SLC6A13: variants seen among roughly 807,000 people sequenced by gnomAD.
SLC6A13 encodes the protein solute carrier family 6 member 13.
In SLC6A13, 69 loss-of-function variants were observed where a neutral mutation model predicts 72.9. That is an observed-to-expected ratio of 0.95 (90% CI 0.78 to 1.16). SLC6A13 has a LOEUF of 1.16. Ranked by LOEUF, SLC6A13 falls within the 50% of genes most tolerant of loss-of-function variation. SLC6A13 has a pLI of 0.00. For missense variants in SLC6A13, 735 were observed against 760.5 expected, an observed-to-expected ratio of 0.97 and a Z score of 0.39; for synonymous variants, 303 against 303.0, an observed-to-expected ratio of 1.00 and a Z score of 0.00.
At chr12:225,176 C>T (rs11835796) in intron 9 of SLC6A13, among the ~76,000 whole-genome samples, 45,268 of 152,156 alleles carry the variant, frequency 0.3, 6,877 homozygotes, top group East Asian at 0.38. Context: ...TGAGTCCACC[C>T]ATGGGAAGTT....
chr12:248,176 G>T (rs550623063), intron 2 of SLC6A13, among the ~76,000 whole-genome samples: 1 of 152,224 alleles, frequency 6.6e-6, no homozygotes, highest in East Asian at 1.9e-4. Context: ...GGCAGAGATT[G>T]TTAGACTGGC....
At chr12:241,204 T>C (rs1441832450) in intron 4 of SLC6A13, among the ~76,000 whole-genome samples, 2 of 152,122 alleles carry the variant, frequency 1.3e-5, no homozygotes, top group Non-Finnish European at 2.9e-5. Flanking sequence ...CTTGGGAGGC[T>C]GAAGCAGAGA....
At chr12:221,575 T>G (rs2137244242) in intron 13 of SLC6A13, 29 bp from the exon 14 acceptor site, 1 of 1,460,940 alleles carries the variant, frequency 6.8e-7, no homozygotes, top group Non-Finnish European at 9.3e-7. Context: ...GAGAAAGGGG[T>G]TGGGGGGCGG....
chr12:252,019 T>C (rs1942572446), intron 2 of SLC6A13, among the ~76,000 whole-genome samples: 2 of 151,958 alleles, frequency 1.3e-5, no homozygotes, highest in African/African-American at 2.4e-5. Flanking sequence ...ATGAAAAAAA[T>C]AGTATTTGTA....
At chr12:247,078 T>A (rs1405184733) in intron 2 of SLC6A13, among the ~76,000 whole-genome samples, 2 of 148,654 alleles carry the variant, frequency 1.3e-5, no homozygotes, top group East Asian at 2.0e-4. Flanking sequence ...AAAGAACAGG[T>A]ATGCCTAAGT....
intron 7 of SLC6A13, among the ~76,000 whole-genome samples, chr12:228,653 G>T (rs749400661): frequency 1.1e-4 from 17 of 152,172 alleles, no homozygotes; most frequent in Middle Eastern, 3.4e-3. Flanking sequence ...CCTGGTCTTT[G>T]CCTGCCTCCC....
chr12:231,205 G>A (rs887377865), intron 7 of SLC6A13, among the ~76,000 whole-genome samples: 6 of 152,214 alleles, frequency 3.9e-5, no homozygotes, highest in Non-Finnish European at 8.8e-5. Flanking sequence ...CCCAGGGGGA[G>A]GAGACAAGGC....
At chr12:243,224 A>C (rs546721205) in intron 3 of SLC6A13, among the ~76,000 whole-genome samples, 18 of 152,294 alleles carry the variant, frequency 1.2e-4, no homozygotes, top group Non-Finnish European at 2.6e-4. Flanking sequence ...CATGTTGGCC[A>C]GGCTGGTCTC....
chr12:235,454 G>C (rs1357997134), intron 6 of SLC6A13, among the ~76,000 whole-genome samples: 1 of 152,172 alleles, frequency 6.6e-6, no homozygotes, highest in Non-Finnish European at 1.5e-5. Context: ...AAATTTAATG[G>C]ACACTTATCA....
intron 4 of SLC6A13, among the ~76,000 whole-genome samples, chr12:240,815 G>A (rs1304446376): frequency 6.6e-6 from 1 of 152,224 alleles, no homozygotes; most frequent in African/African-American, 2.4e-5. Context: ...CGGTGGAATG[G>A]AGGTGGTGGC....
At chr12:227,161 C>T (rs1003861899) in intron 8 of SLC6A13, among the ~76,000 whole-genome samples, 3 of 152,076 alleles carry the variant, frequency 2.0e-5, no homozygotes, top group Admixed American at 1.3e-4. Context: ...GATACATTCT[C>T]GCAAATTGCC....
Position 238,013 on chromosome 12 carries a change from AC to A in SLC6A13, c.479-4del. On this transcript the variant is annotated splice_polypyrimidine_tract_variant and splice_region_variant and intron_variant, in intron 4 of 14. Coordinates refer to ENST00000343164, the MANE Select transcript of SLC6A13 (RefSeq NM_016615.5). ...CTTCTGGAACTCCATACAGTGTTCT[AC>A]CCATGGGTCACGAGGAGGGAAAAAA... 1 of 1,612,950 alleles carries A rather than the reference AC, an allele frequency of 6.2e-7. No homozygotes were observed. The highest frequency in any genetic ancestry group is 8.5e-7 in the Non-Finnish European group (1 of 1,178,928).
chr12:221,570 A>T, intron 13 of SLC6A13, 24 bp from the exon 14 acceptor site: 25 of 979,032 alleles, frequency 2.6e-5, no homozygotes, highest in Non-Finnish European at 2.9e-5. Context: ...CAGAAGAGAA[A>T]GGGGTTGGGG....
intron 7 of SLC6A13, among the ~76,000 whole-genome samples, chr12:229,642 C>T (rs888729386): frequency 2.0e-5 from 3 of 152,198 alleles, no homozygotes; most frequent in Admixed American, 6.5e-5. Context: ...TGAGGTCGGG[C>T]GCCCCCTCCC....
chr12:238,384 C>A (rs1328929108), intron 4 of SLC6A13: 1 of 1,285,296 alleles, frequency 7.8e-7, no homozygotes, highest in Non-Finnish European at 1.0e-6. Flanking sequence ...GTCAGAGTGG[C>A]CGAGAGCGCA....
In SLC6A13 at chr12:229,627, C is replaced by T. The variant is rs138445801; in HGVS notation, c.832-1959G>A. ...CTCCTGGGACCCACGGGTACTGCCC[C>T]TTCATGAGGTCGGGCGCCCCCTCCC... On this transcript the variant is annotated intron_variant, in intron 7 of 14. Transcript: ENST00000343164. 5.1e-3 allele frequency among the ~76,000 whole-genome samples: 776 copies of T among 152,342 alleles called. 2 individuals carry two copies. The highest frequency in any genetic ancestry group is 8.7e-3 in the Non-Finnish European group (594 of 68,030).
At chr12:251,110 C>T (rs1321368223) in intron 2 of SLC6A13, among the ~76,000 whole-genome samples, 4 of 150,714 alleles carry the variant, frequency 2.7e-5, no homozygotes, top group East Asian at 1.9e-4. Flanking sequence ...GAGCTGAGAT[C>T]GCGCCACTGC....
chr12:230,668 C>T (rs1246921842), intron 7 of SLC6A13, among the ~76,000 whole-genome samples: 1 of 152,140 alleles, frequency 6.6e-6, no homozygotes, highest in Non-Finnish European at 1.5e-5. Flanking sequence ...AGACAGCAGT[C>T]ATCAAAAGAC....
intron 7 of SLC6A13, among the ~76,000 whole-genome samples, chr12:231,300 C>T (rs1038278985): frequency 1.1e-4 from 16 of 152,246 alleles, no homozygotes; most frequent in Non-Finnish European, 2.1e-4. Context: ...GGGAGCACAG[C>T]GTTGTCTCTG....
Sources: allele counts gnomAD v4.1 joint callset (sites outside exome capture counted in the v4.1 genomes callset), GRCh38; gene constraint gnomAD v4.1.1; transcripts MANE v1.5; gene names NCBI Gene and HGNC (gene_info 2026-07-23, HGNC 2026-07-21).